The following TRIM37 variants were observed in gnomAD, a reference collection of about 807,000 sequenced individuals.
TRIM37 encodes E3 ubiquitin-protein ligase TRIM37.
A neutral mutation model predicts 129.8 loss-of-function variants in TRIM37; 80 were observed. That is an observed-to-expected ratio of 0.62 (90% CI 0.51 to 0.74). TRIM37 has a LOEUF of 0.74. TRIM37 is among the 30% of genes least tolerant of loss of function. The probability of loss-of-function intolerance (pLI) is 0.00; values close to 1 mark genes in which losing one functional copy is unlikely to be tolerated. For synonymous variants in TRIM37, 389 were observed against 387.1 expected (o/e 1.00, Z -0.06); for missense variants, 1,054 against 1,176.5 (o/e 0.90, Z 1.52).
At chr17:59,021,529 A>G (rs1045887140) in intron 19 of TRIM37, among the ~76,000 whole-genome samples, 5 of 152,248 alleles carry the variant, frequency 3.3e-5, no homozygotes, top group Admixed American at 6.5e-5. Flanking sequence ...CATCAGGCAC[A>G]GAAAGACAAA....
intron 5 of TRIM37, among the ~76,000 whole-genome samples, chr17:59,081,899 T>TC (rs1264855395): frequency 3.4e-4 from 41 of 118,946 alleles, no homozygotes; most frequent in African/African-American, 7.5e-4. Context: ...AGAGACTCTG[T>TC]CCCCCCCAAA....
intron 2 of TRIM37, among the ~76,000 whole-genome samples, chr17:59,099,603 A>T (rs183241516): frequency 6.6e-6 from 1 of 152,228 alleles, no homozygotes; most frequent in African/African-American, 2.4e-5. Flanking sequence ...TATGGATGGT[A>T]AATAACTCCT....
intron 8 of TRIM37, among the ~76,000 whole-genome samples, chr17:59,075,083 T>G (rs2042690046): frequency 6.6e-6 from 1 of 152,176 alleles, no homozygotes; most frequent in African/African-American, 2.4e-5. Flanking sequence ...TACATTCAGA[T>G]TTCTATGGAA....
intron 3 of TRIM37, among the ~76,000 whole-genome samples, chr17:59,088,922 CA>C (rs1827031675): frequency 6.6e-6 from 1 of 152,090 alleles, no homozygotes; most frequent in African/African-American, 2.4e-5. Context: ...AAAAGCTAAA[CA>C]AAAACATATG....
chr17:59,089,821 C>T (rs536728836), intron 3 of TRIM37, among the ~76,000 whole-genome samples: 6 of 152,140 alleles, frequency 3.9e-5, no homozygotes, highest in Non-Finnish European at 8.8e-5. Context: ...AAAGGTGGGA[C>T]GAGGCACAGT....
chr17:59,014,800 G>A (rs1312590233), intron 21 of TRIM37, among the ~76,000 whole-genome samples: 3 of 151,012 alleles, frequency 2.0e-5, no homozygotes, highest in African/African-American at 7.3e-5. Context: ...ACGTATCATT[G>A]TGAAAATGAG....
intron 12 of TRIM37, among the ~76,000 whole-genome samples, chr17:59,059,895 C>T (rs1268294497): frequency 6.6e-6 from 1 of 152,172 alleles, no homozygotes; most frequent in African/African-American, 2.4e-5. Context: ...TCCACCGTGG[C>T]AGGTTGCAAT....
chr17:59,040,939 G>A (rs1175822718), intron 17 of TRIM37, among the ~76,000 whole-genome samples: 2 of 151,846 alleles, frequency 1.3e-5, no homozygotes, highest in Non-Finnish European at 2.9e-5. Context: ...CCAGCTACTC[G>A]GGAGGCTGAG....
At chr17:59,007,152 CCCT>C (rs1354752122) in intron 22 of TRIM37, among the ~76,000 whole-genome samples, 3 of 40,334 alleles carry the variant, frequency 7.4e-5, no homozygotes, top group Admixed American at 3.4e-4. Flanking sequence ...CCCACCCCCA[CCCT>C]CCAACACACA....
intron 24 of TRIM37, among the ~76,000 whole-genome samples, chr17:58,986,224 A>C (rs1027835041): frequency 2.1e-5 from 3 of 143,672 alleles, no homozygotes; most frequent in African/African-American, 7.7e-5. Context: ...TTTGAGATGG[A>C]GTTTCATTCT....
At chr17:59,053,209 A>T (rs2040516720) in intron 13 of TRIM37, among the ~76,000 whole-genome samples, 1 of 152,242 alleles carries the variant, frequency 6.6e-6, no homozygotes, top group Admixed American at 6.5e-5. Context: ...ACCAAGCAGC[A>T]GGTAAAATTT....
At chr17:59,049,137 T>A (rs2040103185) in intron 15 of TRIM37, 41 bp downstream of exon 15, 5 of 1,546,846 alleles carry the variant, frequency 3.2e-6, no homozygotes, top group South Asian at 1.1e-5. Flanking sequence ...ACTGTTTTTT[T>A]TTAATCAAAC....
intron 24 of TRIM37, among the ~76,000 whole-genome samples, chr17:58,991,189 A>AG (rs1175167476): frequency 2.6e-5 from 4 of 151,538 alleles, no homozygotes; most frequent in Non-Finnish European, 5.9e-5. Flanking sequence ...AAAAAAAAAA[A>AG]AAAAGAAAAA....
At chr17:58,981,247 T>G, downstream of TRIM37, 3 of 508,136 alleles carry the variant, frequency 5.9e-6, no homozygotes, top group Admixed American at 3.7e-5. Context: ...ACACAGCTGG[T>G]CCCTGTGATG....
chr17:59,056,853 A>T (rs1313087947), intron 13 of TRIM37, 22 bp downstream of exon 13: 2 of 1,610,116 alleles, frequency 1.2e-6, no homozygotes. Context: ...TAAAAACCAC[A>T]ACATCAAATT....
chr17:59,072,747 C>CAAAA (rs34205408), intron 8 of TRIM37, among the ~76,000 whole-genome samples: 2 of 132,184 alleles, frequency 1.5e-5, no homozygotes, highest in East Asian at 2.2e-4. Context: ...GACTCTGTCT[C>CAAAA]AAAAAAAAAA....
intron 19 of TRIM37, 48 bp downstream of exon 19, chr17:59,028,367 T>A: frequency 6.4e-7 from 1 of 1,567,594 alleles, no homozygotes; most frequent in African/African-American, 1.3e-5. Flanking sequence ...AGTCATCTAG[T>A]TTCCCAAATA....
intron 19 of TRIM37, among the ~76,000 whole-genome samples, chr17:59,023,828 T>C (rs184137318): frequency 7.9e-5 from 12 of 152,254 alleles, no homozygotes; most frequent in Admixed American, 6.5e-4. Flanking sequence ...ATACAAAAAG[T>C]AAGCAGAAAA....
intron 1 of TRIM37, among the ~76,000 whole-genome samples, chr17:59,104,765 A>G (rs1453881207): frequency 1.3e-5 from 2 of 152,136 alleles, no homozygotes; most frequent in African/African-American, 4.8e-5. Context: ...TCTTCATCTA[A>G]TGATATAGAA....
Sources: gnomAD v4.1 joint callset for allele counts (sites outside exome capture counted in the v4.1 genomes callset) on GRCh38, gnomAD v4.1.1 for gene constraint, MANE v1.5 for transcripts, NCBI Gene and HGNC (gene_info 2026-07-23, HGNC 2026-07-21) for gene names.